Variants in RSF1 observed in about 807,000 individuals in gnomAD.
RSF1 encodes remodeling and spacing factor 1.
RSF1 carries 13 observed loss-of-function variants against 145.2 expected under a neutral mutation model. That is an observed-to-expected ratio of 0.09 (90% CI 0.06 to 0.14). The LOEUF (loss-of-function observed/expected upper bound fraction) is 0.14, where lower values mean the gene tolerates loss of function less well. Ranked by LOEUF, RSF1 falls within the 10% of genes least tolerant of loss-of-function variation. The probability of loss-of-function intolerance (pLI) is 1.00; values close to 1 mark genes in which losing one functional copy is unlikely to be tolerated. For synonymous variants in RSF1, 577 were observed against 592.6 expected, an observed-to-expected ratio of 0.97 and a Z score of 0.38; for missense variants, 1,517 against 1,718.2, an observed-to-expected ratio of 0.88 and a Z score of 2.07.
At chr11:77,725,774 G>A in intron 4 of RSF1, 75 bp from the exon 5 acceptor site, 1 of 1,157,796 alleles carries the variant, frequency 8.6e-7, no homozygotes, top group Non-Finnish European at 1.2e-6. Flanking sequence ...AATACCAATA[G>A]AAATTAAAAT....
rs1448430392 is a variant in RSF1 at position 77,666,708 on chromosome 11, GAA to G, written c.*207_*208del. ...ACCAAGGACCATGAACCTGGAAAAA[GAA>G]AATCAAAAGGAATTTACAGCAATTA... On this transcript the variant is annotated 3_prime_UTR_variant, in exon 16 of 16. Coordinates refer to ENST00000308488, the MANE Select transcript of RSF1 (RefSeq NM_016578.4). The G allele has an allele frequency of 5.1e-6, 2 of 393,050 alleles. No homozygotes were observed. The highest frequency in any genetic ancestry group is 4.1e-5 in the African/African-American group (2 of 48,504). 24.3% of individuals were successfully genotyped at this position (393,050 alleles called of 1,614,324 possible).
At chr11:77,775,881 T>C (rs1948337417) in intron 1 of RSF1, among the ~76,000 whole-genome samples, 1 of 152,172 alleles carries the variant, frequency 6.6e-6, no homozygotes, top group South Asian at 2.1e-4. Context: ...CAAGCAATCC[T>C]CCTACTCAGC....
At chr11:77,841,433 A>G in the RSF1 span, among the ~76,000 whole-genome samples, 1 of 152,332 alleles carries the variant, frequency 6.6e-6, no homozygotes, top group Non-Finnish European at 1.5e-5. Context: ...TATATAGCTT[A>G]GTGTTCAGCC....
chr11:77,737,621 GGTGTGT>G (rs1170824350), intron 4 of RSF1, among the ~76,000 whole-genome samples: 228 of 93,544 alleles, frequency 2.4e-3, no homozygotes, highest in African/African-American at 7.7e-3. Context: ...TGTTTTGGGG[GGTGTGT>G]GTGTGTGTGT....
At chr11:77,745,672 T>A (rs932063435) in intron 3 of RSF1, among the ~76,000 whole-genome samples, 5 of 151,576 alleles carry the variant, frequency 3.3e-5, no homozygotes, top group African/African-American at 1.2e-4. Flanking sequence ...CATTGATAGC[T>A]GGCTCTGGAG....
At chr11:77,689,069 A>T (rs1960082915) in intron 9 of RSF1, among the ~76,000 whole-genome samples, 1 of 152,222 alleles carries the variant, frequency 6.6e-6, no homozygotes. Flanking sequence ...ATGAAGGTAA[A>T]ATCAGGAGAT....
At chr11:77,729,346 C>G (rs931125029) in intron 4 of RSF1, among the ~76,000 whole-genome samples, 4 of 152,108 alleles carry the variant, frequency 2.6e-5, no homozygotes, top group Non-Finnish European at 5.9e-5. Flanking sequence ...TAGTTTTGGG[C>G]AGACTGGTTA....
chr11:77,803,269 C>T (rs1948644460), intron 1 of RSF1, among the ~76,000 whole-genome samples: 1 of 152,002 alleles, frequency 6.6e-6, no homozygotes, highest in Admixed American at 6.6e-5. Flanking sequence ...CGCCTCAGTC[C>T]CCCAAGTAAC....
At chr11:77,820,815 A>G, upstream of RSF1, 1 of 1,222,548 alleles carries the variant, frequency 8.2e-7, no homozygotes, top group Non-Finnish European at 1.1e-6. Flanking sequence ...GGCGCTCTCA[A>G]GTGGGCTCCT....
rs1272466225 is a variant in RSF1, at chr11:77,664,581, T to C, written c.*2336A>G. The C allele has an allele frequency of 6.6e-6, 1 of 152,230 alleles. No individual in the cohort carries two copies. Among genetic ancestry groups the C allele is most frequent in the Non-Finnish European group, 1.5e-5 (1 of 68,052 alleles). The allele number at this position is 152,230 out of a possible 1,614,324, so 9.4% of individuals were successfully genotyped here. On this transcript the variant is annotated 3_prime_UTR_variant, in exon 16 of 16. Coordinates refer to ENST00000308488, the MANE Select transcript of RSF1 (RefSeq NM_016578.4). Reference sequence around the variant, plus strand: ...TAGAATAGGTGGAAGAAGGAGCTGGTGTGTCCAGAGGTAGAGACAGGGCAC... The same window carrying C: ...TAGAATAGGTGGAAGAAGGAGCTGGCGTGTCCAGAGGTAGAGACAGGGCAC...
intron 7 of RSF1, among the ~76,000 whole-genome samples, chr11:77,697,198 T>G (rs538245562): frequency 2.5e-4 from 38 of 152,040 alleles, no homozygotes; most frequent in African/African-American, 8.4e-4. Flanking sequence ...TCATAATGCT[T>G]TGCAGGAAAA....
intron 5 of RSF1, among the ~76,000 whole-genome samples, chr11:77,711,594 T>C (rs934127538): frequency 6.6e-6 from 1 of 152,054 alleles, no homozygotes; most frequent in Admixed American, 6.6e-5. Flanking sequence ...TGCTTGCATC[T>C]GGGAGGTAGA....
chr11:77,747,653 T>C (rs1201017121), intron 2 of RSF1, among the ~76,000 whole-genome samples: 1 of 152,210 alleles, frequency 6.6e-6, no homozygotes, highest in East Asian at 1.9e-4. Flanking sequence ...GGCTTCTCTT[T>C]CTACACAAGC....
In RSF1 at chr11:77,662,845, G is replaced by A. The variant is rs930238874; in HGVS notation, c.*4072C>T. 3 of 152,168 alleles carry A rather than the reference G, an allele frequency of 2.0e-5. No homozygotes were observed. The highest frequency in any genetic ancestry group is 7.2e-5 in the African/African-American group (3 of 41,450). 9.4% of individuals were successfully genotyped at this position (152,168 alleles called of 1,614,324 possible). On this transcript the variant is annotated 3_prime_UTR_variant, in exon 16 of 16. Coordinates refer to ENST00000308488, the MANE Select transcript of RSF1 (RefSeq NM_016578.4). ...TGGCATTCTCTGCTTCTTCGAGAAT[G>A]AGGAATATATTTTGAGAATGTCAAA...
the RSF1 span, among the ~76,000 whole-genome samples, chr11:77,842,928 T>C: frequency 6.6e-6 from 1 of 152,280 alleles, no homozygotes; most frequent in African/African-American, 2.4e-5. Flanking sequence ...TCAGTGCCCA[T>C]TTACTACCAC....
intron 1 of RSF1, among the ~76,000 whole-genome samples, chr11:77,773,344 A>T (rs552068465): frequency 6.6e-6 from 1 of 151,998 alleles, no homozygotes; most frequent in Non-Finnish European, 1.5e-5. Flanking sequence ...CACAACCACC[A>T]CACTATTTCC....
intron 1 of RSF1, among the ~76,000 whole-genome samples, chr11:77,784,599 C>T (rs7106113): frequency 0.18 from 26,891 of 151,900 alleles, 2,972 homozygotes; most frequent in African/African-American, 0.29. Context: ...TGCTGCTAAG[C>T]GCTGCTAAGA....
chr11:77,669,029 T>G (rs112229752), intron 15 of RSF1, among the ~76,000 whole-genome samples: 1 of 152,224 alleles, frequency 6.6e-6, no homozygotes, highest in African/African-American at 2.4e-5. Flanking sequence ...TGTCTAAAAC[T>G]GGGCTCCTAA....
intron 4 of RSF1, among the ~76,000 whole-genome samples, chr11:77,727,861 T>G (rs1961096645): frequency 6.6e-6 from 1 of 152,208 alleles, no homozygotes; most frequent in South Asian, 2.1e-4. Flanking sequence ...TTTAATCTGT[T>G]TAATGTGTTT....
Sources: allele counts gnomAD v4.1 joint callset (sites outside exome capture counted in the v4.1 genomes callset), GRCh38; gene constraint gnomAD v4.1.1; transcripts MANE v1.5; gene names NCBI Gene and HGNC (gene_info 2026-07-23, HGNC 2026-07-21).